NFE2L3: variants seen among roughly 807,000 people sequenced by gnomAD.
NFE2L3 encodes NFE2 like bZIP transcription factor 3.
In NFE2L3, 18 loss-of-function variants were observed where a neutral mutation model predicts 23.5. The ratio of observed to expected loss-of-function variants is 0.77; its 90% confidence interval spans 0.53 to 1.13. The LOEUF (loss-of-function observed/expected upper bound fraction) is 1.13, where lower values mean the gene tolerates loss of function less well. Ranked by LOEUF, NFE2L3 falls within the 50% of genes most tolerant of loss-of-function variation. The pLI is 0.00. For synonymous variants in NFE2L3, 424 were observed against 354.5 expected (o/e 1.20, Z -2.20); for missense variants, 1,152 against 877.2 (o/e 1.31, Z -3.96).
At chr7:26,181,103 GT>G (rs1358275802) in intron 2 of NFE2L3, among the ~76,000 whole-genome samples, 2 of 152,002 alleles carry the variant, frequency 1.3e-5, no homozygotes, top group Non-Finnish European at 2.9e-5. Context: ...AGCCTCCCAA[GT>G]AACTGGGGCT....
Position 26,185,614 on chromosome 7 carries a change from ATGACCTTTATCAT to A in NFE2L3, c.1917_1929del (p.His639GlnfsTer7). The A allele has an allele frequency of 6.2e-7, 1 of 1,613,914 alleles. No individual in the cohort carries two copies. Among genetic ancestry groups the A allele is most frequent in the Non-Finnish European group, 8.5e-7 (1 of 1,179,834 alleles). On this transcript the variant is annotated frameshift_variant, in exon 4 of 4. Coordinates refer to ENST00000056233, the MANE Select transcript of NFE2L3 (RefSeq NM_004289.7). LOFTEE classifies it high-confidence loss of function. ...ATTAACATAATGAAACAGAAACTGC[ATGACCTTTATCAT>A]GATATTTTTAGTAGATTAAGAGATG...
chr7:26,157,716 G>A (rs752679513), intron 1 of NFE2L3, among the ~76,000 whole-genome samples: 8 of 152,180 alleles, frequency 5.3e-5, no homozygotes, highest in African/African-American at 9.7e-5. Flanking sequence ...GTCTTTGTAT[G>A]GGAAAGGATG....
chr7:26,184,990 C>G lies in NFE2L3; in HGVS notation c.1292C>G (p.Ser431Cys). The change falls in exon 4 of 4, where the codon TCT becomes TGT. Residue 431 changes from serine to cysteine, a missense_variant. Coordinates refer to ENST00000056233, the MANE Select transcript of NFE2L3 (RefSeq NM_004289.7). ...LSLDSSHNNT[S>C]VIKSNSSHSV... ...TTAGATTCAAGTCACAATAATACCT[C>G]TGTCATCAAGTCTAATTCCTCTCAC... 6.2e-7 allele frequency: 1 copy of G among 1,613,844 alleles called. No individual in the cohort carries two copies. The highest frequency in any genetic ancestry group is 8.5e-7 in the Non-Finnish European group (1 of 1,179,822).
chr7:26,184,466 T>C (rs143126955), intron 3 of NFE2L3, 67 bp from the exon 4 acceptor site: 1 of 1,409,098 alleles, frequency 7.1e-7, no homozygotes, highest in Non-Finnish European at 9.7e-7. Context: ...AAGAAAGTTG[T>C]TAGGTAATAG....
Position 26,186,020 on chromosome 7 carries a change from A to G in NFE2L3, c.*237A>G. On this transcript the variant is annotated 3_prime_UTR_variant, in exon 4 of 4. Coordinates refer to ENST00000056233, the MANE Select transcript of NFE2L3 (RefSeq NM_004289.7). ...ATGAAGTGCATTGTATACAAAATTC[A>G]TAGTTATGTCCAAAGAATAGGTTAA... is the stretch of plus-strand genomic sequence containing the variant. 2.7e-6 allele frequency: 1 copy of G among 373,476 alleles called. No individual in the cohort carries two copies. The highest frequency in any genetic ancestry group is 4.8e-6 in the Non-Finnish European group (1 of 208,574). 23.1% of individuals were successfully genotyped at this position (373,476 alleles called of 1,614,324 possible).
In NFE2L3 at chr7:26,185,823, T is replaced by C. The variant is rs1394014884; in HGVS notation, c.*40T>C. On this transcript the variant is annotated 3_prime_UTR_variant, in exon 4 of 4. Coordinates refer to ENST00000056233, the MANE Select transcript of NFE2L3 (RefSeq NM_004289.7). The stretch of plus-strand genomic sequence containing the variant: ...TGGACTCTATTATGTGAAGTAGTAA[T>C]GTTCAGAAACTGATTATTTGGATCA... The C allele has an allele frequency of 6.7e-7, 1 of 1,490,544 alleles. No homozygotes were observed. Among genetic ancestry groups the C allele is most frequent in the Non-Finnish European group, 9.0e-7 (1 of 1,108,222 alleles). 92.3% of individuals were successfully genotyped at this position (1,490,544 alleles called of 1,614,324 possible). A position where few individuals can be genotyped will look rare whatever the true frequency, so the allele number is the denominator to read the frequency against.
intron 2 of NFE2L3, among the ~76,000 whole-genome samples, chr7:26,178,868 C>T (rs1784460473): frequency 6.6e-6 from 1 of 151,982 alleles, no homozygotes; most frequent in Admixed American, 6.6e-5. Flanking sequence ...AGGGGTCTTG[C>T]CCTGACGGTT....
Position 26,183,607 on chromosome 7 carries a change from AAATAATACCTGGTGATCCTTTAAAGAT to A in NFE2L3, c.751-91_751-65del. On this transcript the variant is annotated intron_variant, in intron 2 of 3. Transcript: ENST00000056233. ...ATAATAGCATAAAAATCCAGTGTGG[AAATAATACCTGGTGATCCTTTAAAGAT>A]AAAGCCTAAAGCCCCAACCAGTTCA... 4.0e-6 allele frequency: 3 copies of A among 758,460 alleles called. No individual in the cohort carries two copies. The East Asian group carries it at 7.4e-5, about 19-fold the overall frequency. The allele number at this position is 758,460 out of a possible 1,614,324, so 47.0% of individuals were successfully genotyped here.
intron 1 of NFE2L3, among the ~76,000 whole-genome samples, chr7:26,172,937 C>G (rs988198517): frequency 1.3e-5 from 2 of 152,064 alleles, no homozygotes; most frequent in Non-Finnish European, 1.5e-5. Context: ...ATAAAATTTT[C>G]ACTCCTTAAA....
chr7:26,167,529 C>CT (rs35736109), intron 1 of NFE2L3, among the ~76,000 whole-genome samples: 9,673 of 147,568 alleles, frequency 0.066, 719 homozygotes, highest in East Asian at 0.36. Flanking sequence ...TGAAAATGTA[C>CT]TTTTTTTTTT....
At chr7:26,170,268 G>A (rs1484734551) in intron 1 of NFE2L3, among the ~76,000 whole-genome samples, 2 of 152,158 alleles carry the variant, frequency 1.3e-5, no homozygotes, top group African/African-American at 4.8e-5. Flanking sequence ...AATATCCACT[G>A]TAGCCACTAC....
chr7:26,178,210 T>C, intron 2 of NFE2L3, 88 bp downstream of exon 2: 1 of 1,068,194 alleles, frequency 9.4e-7, no homozygotes, highest in Non-Finnish European at 1.4e-6. Flanking sequence ...AATGAGCATG[T>C]AAAACAGTAT....
At chr7:26,183,641 T>TA in intron 2 of NFE2L3, 60 bp from the exon 3 acceptor site, 1 of 1,046,140 alleles carries the variant, frequency 9.6e-7, no homozygotes, top group Non-Finnish European at 1.5e-6. Flanking sequence ...AGATAAAGCC[T>TA]AAAGCCCCAA....
At chr7:26,173,689 T>G (rs963269749) in intron 1 of NFE2L3, 2 of 152,210 alleles carry the variant, frequency 1.3e-5, no homozygotes, top group African/African-American at 4.8e-5. Flanking sequence ...AAGAACAATC[T>G]ATCAGAAGTA....
chr7:26,180,552 C>T (rs1247502963), intron 2 of NFE2L3, among the ~76,000 whole-genome samples: 1 of 152,156 alleles, frequency 6.6e-6, no homozygotes, highest in Non-Finnish European at 1.5e-5. Flanking sequence ...CATTTCTGCC[C>T]ACTTCCCTGA....
In NFE2L3 at chr7:26,185,694, T is replaced by C. The variant is rs751758077; in HGVS notation, c.1996T>C (p.Cys666Arg). 1.2e-6 allele frequency: 2 copies of C among 1,613,866 alleles called. No individual in the cohort carries two copies. Among genetic ancestry groups the C allele is most frequent in the Non-Finnish European group, 1.7e-6 (2 of 1,179,780 alleles). The change falls in exon 4 of 4, where the codon TGT becomes CGT. Residue 666 changes from cysteine (C) to arginine (R), a missense_variant. Coordinates refer to ENST00000056233, the MANE Select transcript of NFE2L3 (RefSeq NM_004289.7). ...PVNPNHYALQCTHDGSILIVP... is the reference protein window; with the variant it reads ...PVNPNHYALQRTHDGSILIVP... Reference sequence around the variant, plus strand: ...CAATCCCAACCACTATGCTCTCCAGTGTACCCATGATGGAAGTATCTTGAT... The same window carrying C: ...CAATCCCAACCACTATGCTCTCCAGCGTACCCATGATGGAAGTATCTTGAT...
chr7:26,152,271 T>C lies in NFE2L3; in HGVS notation c.-228T>C. ...GGCGCTCAGGTGGCTCCTTCTTCGC[T>C]TCTCCCGATCCCCGGCGGTGCCAGG... On this transcript the variant is annotated 5_prime_UTR_variant, in exon 1 of 4. Coordinates refer to ENST00000056233, the MANE Select transcript of NFE2L3 (RefSeq NM_004289.7). The surrounding 1 kb of genome is among the most constrained non-coding windows in gnomAD (Gnocchi z 4.4). 4.2e-6 allele frequency: 1 copy of C among 240,764 alleles called. No homozygotes were observed. Among genetic ancestry groups the C allele is most frequent in the East Asian group, 9.5e-5 (1 of 10,510 alleles). 14.9% of individuals were successfully genotyped at this position (240,764 alleles called of 1,614,324 possible). A position where few individuals can be genotyped will look rare whatever the true frequency, so the allele number is the denominator to read the frequency against.
rs779713919 is a variant in NFE2L3 at position 26,185,346 on chromosome 7, T to A, written c.1648T>A (p.Ser550Thr). The A allele has an allele frequency of 2.5e-6, 4 of 1,614,130 alleles. No individual in the cohort carries two copies. In the South Asian group the frequency reaches 3.3e-5, roughly 13 times the overall value. The change falls in exon 4 of 4, where the codon TCT becomes ACT. Residue 550 changes from serine to threonine, a missense_variant. Ser to Thr is a moderately conservative substitution (Grantham distance 58). Transcript: ENST00000056233. ...TGCTAAAGCTTTGCATATCCCTTTT[T>A]CTGTAGATGAAATTGTCGGCATGCC... ...QRAKALHIPF[S>T]VDEIVGMPVD...
chr7:26,163,418 C>T (rs1373484881), intron 1 of NFE2L3, among the ~76,000 whole-genome samples: 1 of 152,194 alleles, frequency 6.6e-6, no homozygotes, highest in African/African-American at 2.4e-5. Context: ...GCGATCTCAG[C>T]TCACTGCAAC....
Sources: allele counts gnomAD v4.1 joint callset (sites outside exome capture counted in the v4.1 genomes callset), GRCh38; gene constraint gnomAD v4.1.1; non-coding constraint Gnocchi (gnomAD v3.1); transcripts MANE v1.5; gene names NCBI Gene and HGNC (gene_info 2026-07-23, HGNC 2026-07-21).